Variants in SNTG2 observed in about 807,000 individuals in gnomAD.
The protein encoded by SNTG2 is gamma-2-syntrophin.
SNTG2 carries 74 observed loss-of-function variants against 70.9 expected under a neutral mutation model. The observed-to-expected ratio is 1.04, with a 90% CI of 0.86 to 1.27. SNTG2 has a LOEUF of 1.27. Among genes scored for constraint, SNTG2 ranks in the 50% most tolerant of loss-of-function variants. SNTG2 has a pLI of 0.00. For missense variants in SNTG2, 717 were observed against 690.7 expected (o/e 1.04, Z -0.43); for synonymous variants, 278 against 273.8 (o/e 1.02, Z -0.15).
At chr2:1,217,255 C>T (rs1239063229) in intron 9 of SNTG2, among the ~76,000 whole-genome samples, 1 of 152,112 alleles carries the variant, frequency 6.6e-6, no homozygotes, top group Non-Finnish European at 1.5e-5. Context: ...CAACATGTTA[C>T]AAGCCCGTGC....
In SNTG2 at chr2:1,106,564, G is replaced by C. The variant is rs187874446; in HGVS notation, c.325+8154G>C. On this transcript the variant is annotated intron_variant, in intron 4 of 16. Coordinates refer to ENST00000308624, the MANE Select transcript of SNTG2 (RefSeq NM_018968.4). ...GACACGTGCTGTCACTCGGGTGCAGGGTGTGGAGAGCTCCTTGGTAACAGT... is the reference window on the plus strand; with the variant it reads ...GACACGTGCTGTCACTCGGGTGCAGCGTGTGGAGAGCTCCTTGGTAACAGT... Among the ~76,000 whole-genome samples the C allele has an allele frequency of 2.5e-3, 354 of 143,548 alleles. 10 individuals are homozygous for C. Among genetic ancestry groups the C allele is most frequent in the African/African-American group, 9.0e-3 (327 of 36,478 alleles). The allele number at this position is 143,548 out of a possible 152,430, so 94.2% of individuals were successfully genotyped here.
chr2:1,244,820 A>G (rs1277368421), intron 11 of SNTG2, among the ~76,000 whole-genome samples: 3 of 151,886 alleles, frequency 2.0e-5, no homozygotes, highest in South Asian at 4.2e-4. Context: ...CCACTCAGCC[A>G]TCCTGACAAA....
At chr2:1,259,546 A>G in intron 13 of SNTG2, 105 bp downstream of exon 13, 1 of 935,632 alleles carries the variant, frequency 1.1e-6, no homozygotes, top group Non-Finnish European at 1.7e-6. Context: ...AAATAGTAAA[A>G]TTTGAAATAG....
rs113692031 is a variant in SNTG2, at chr2:1,235,526, C to T, written c.720-2362C>T. Among the ~76,000 whole-genome samples the T allele has an allele frequency of 3.7e-3, 194 of 53,118 alleles. 4 individuals carry two copies. Among genetic ancestry groups the T allele is most frequent in the Admixed American group, 4.9e-3 (31 of 6,336 alleles). 34.8% of individuals were successfully genotyped at this position (53,118 alleles called of 152,430 possible). Reference sequence around the variant, plus strand: ...TCATGAGAGGGGGGCCCCTGCCCCACGCTGCCCTGAGGTCCCTGCAGGCCC... The same window carrying T: ...TCATGAGAGGGGGGCCCCTGCCCCATGCTGCCCTGAGGTCCCTGCAGGCCC... On this transcript the variant is annotated intron_variant, in intron 9 of 16. Coordinates refer to ENST00000308624, the MANE Select transcript of SNTG2 (RefSeq NM_018968.4).
chr2:1,287,698 C>T (rs928371608), intron 14 of SNTG2, among the ~76,000 whole-genome samples: 6 of 152,210 alleles, frequency 3.9e-5, no homozygotes, highest in South Asian at 2.1e-4. Flanking sequence ...ATTGGAGGGC[C>T]GGGGCCACAG....
chr2:1,313,421 C>T (rs549415755), intron 15 of SNTG2, among the ~76,000 whole-genome samples: 22 of 152,344 alleles, frequency 1.4e-4, no homozygotes, highest in African/African-American at 5.3e-4. Flanking sequence ...ATGTGACTGA[C>T]TGCCCAACAG....
chr2:1,152,465 ATG>A lies in SNTG2; in HGVS notation c.412-13080_412-13079del, dbSNP rs550180021. Among the ~76,000 whole-genome samples the A allele has an allele frequency of 5.8e-4, 88 of 152,124 alleles. 1 individual carries two copies. Among genetic ancestry groups the A allele is most frequent in the Non-Finnish European group, 1.1e-3 (72 of 68,044 alleles). On this transcript the variant is annotated intron_variant, in intron 6 of 16. Transcript: ENST00000308624. ...GTGCACATCCAGGGGCATGTGCAGT[ATG>A]TGCTTATGTCTGCATGTGCATGGAT... is the stretch of plus-strand genomic sequence containing the variant.
chr2:1,100,105 G>A (rs1665685406), intron 4 of SNTG2, among the ~76,000 whole-genome samples: 1 of 152,070 alleles, frequency 6.6e-6, no homozygotes, highest in South Asian at 2.1e-4. Flanking sequence ...GGCGGGAAAA[G>A]TGAGAGAGCT....
intron 9 of SNTG2, among the ~76,000 whole-genome samples, chr2:1,221,467 C>CTGTG (rs1460394513): frequency 3.0e-5 from 1 of 33,232 alleles, no homozygotes; most frequent in Admixed American, 3.2e-4. Flanking sequence ...CTGTCTCTGT[C>CTGTG]TCTCTGTCTC....
chr2:1,027,392 A>G (rs1660537392), intron 1 of SNTG2, among the ~76,000 whole-genome samples: 1 of 151,762 alleles, frequency 6.6e-6, no homozygotes. Flanking sequence ...CAAGTAACTC[A>G]TGCATCTCTG....
chr2:1,150,705 TGTC>T (rs1433509427), intron 6 of SNTG2, among the ~76,000 whole-genome samples: 2 of 18,266 alleles, frequency 1.1e-4, no homozygotes, highest in African/African-American at 2.6e-4. Context: ...CAGCAGCAAA[TGTC>T]GTGTTAGAGT....
intron 16 of SNTG2, among the ~76,000 whole-genome samples, chr2:1,358,381 T>TC (rs1047380154): frequency 1.6e-4 from 2 of 12,646 alleles, no homozygotes; most frequent in African/African-American, 5.0e-4. Context: ...CCAATCTTTA[T>TC]TTTTTTTTTG....
At chr2:1,271,941 G>C (rs998255378) in intron 14 of SNTG2, among the ~76,000 whole-genome samples, 6 of 151,934 alleles carry the variant, frequency 3.9e-5, no homozygotes. Context: ...TTGGCTTCTC[G>C]TCAAGGGAAC....
intron 1 of SNTG2, among the ~76,000 whole-genome samples, chr2:971,829 G>T (rs1660752955): frequency 6.6e-6 from 1 of 151,528 alleles, no homozygotes; most frequent in African/African-American, 2.4e-5. Context: ...ACTGCTTTAG[G>T]TGTGTTCCAG....
At chr2:1,334,530 T>C (rs1227799075) in intron 16 of SNTG2, among the ~76,000 whole-genome samples, 4 of 152,166 alleles carry the variant, frequency 2.6e-5, no homozygotes, top group Non-Finnish European at 5.9e-5. Flanking sequence ...TTCAAAGACA[T>C]GGAACCAACC....
intron 16 of SNTG2, among the ~76,000 whole-genome samples, chr2:1,326,250 T>C (rs1681753491): frequency 6.6e-6 from 1 of 152,240 alleles, no homozygotes; most frequent in Non-Finnish European, 1.5e-5. Context: ...GTTTCTCTTA[T>C]GATTTTTACA....
chr2:1,364,423 C>T (rs1399224027), intron 16 of SNTG2, among the ~76,000 whole-genome samples: 2 of 152,058 alleles, frequency 1.3e-5, no homozygotes, highest in Admixed American at 1.3e-4. Flanking sequence ...TTGGATACAT[C>T]TTGGGAACTT....
chr2:1,367,324 ATCTGATT>A lies in SNTG2; in HGVS notation c.1489-17_1489-11del. On this transcript the variant is annotated splice_polypyrimidine_tract_variant and intron_variant, in intron 16 of 16. Coordinates refer to ENST00000308624, the MANE Select transcript of SNTG2 (RefSeq NM_018968.4). ...TTCCAACAATTATAATAAACACTTG[ATCTGATT>A]TTCTCCTCCAGGAACTCGAGTTCCA... 1 of 1,522,440 alleles carries A rather than the reference ATCTGATT, an allele frequency of 6.6e-7. No homozygotes were observed. Among genetic ancestry groups the A allele is most frequent in the Non-Finnish European group, 8.8e-7 (1 of 1,133,400 alleles). 94.3% of individuals were successfully genotyped at this position (1,522,440 alleles called of 1,614,324 possible). A position where few individuals can be genotyped will look rare whatever the true frequency, so the allele number is the denominator to read the frequency against.
At chr2:1,140,907 T>TA (rs1162617322) in intron 6 of SNTG2, among the ~76,000 whole-genome samples, 3 of 152,224 alleles carry the variant, frequency 2.0e-5, no homozygotes, top group Admixed American at 6.5e-5. Context: ...TTAGTCCTTT[T>TA]AAAAAACACG....
Sources: allele counts gnomAD v4.1 joint callset (sites outside exome capture counted in the v4.1 genomes callset), GRCh38; gene constraint gnomAD v4.1.1; transcripts MANE v1.5; gene names NCBI Gene and HGNC (gene_info 2026-07-23, HGNC 2026-07-21).